OTOGL: variants seen among roughly 807,000 people sequenced by gnomAD.
OTOGL encodes otogelin like.
OTOGL carries 285 observed loss-of-function variants against 318.5 expected under a neutral mutation model. That is an observed-to-expected ratio of 0.89 (90% CI 0.81 to 0.99). OTOGL has a LOEUF of 0.99. Among genes scored for constraint, OTOGL ranks in the 50% least tolerant of loss-of-function variants. OTOGL has a pLI of 0.00. For synonymous variants in OTOGL, 987 were observed against 936.5 expected (o/e 1.05, Z -0.99); for missense variants, 2,899 against 2,845.6 (o/e 1.02, Z -0.43).
At chr12:80,148,389 T>G (rs1157834171) in intron 1 of OTOGL, among the ~76,000 whole-genome samples, 10 of 150,350 alleles carry the variant, frequency 6.7e-5, no homozygotes, top group Non-Finnish European at 1.2e-4. Flanking sequence ...GCCCCCACTC[T>G]CTTCTGGCTT....
chr12:80,129,625 A>G (rs1027808456), intron 1 of OTOGL, among the ~76,000 whole-genome samples: 2 of 151,276 alleles, frequency 1.3e-5, no homozygotes, highest in Admixed American at 1.3e-4. Context: ...TTTTTCTTTT[A>G]CATTTTCTTC....
At chr12:80,319,097 G>A (rs968287543) in intron 33 of OTOGL, among the ~76,000 whole-genome samples, 1 of 152,188 alleles carries the variant, frequency 6.6e-6, no homozygotes, top group African/African-American at 2.4e-5. Context: ...TACCAAAGAA[G>A]TTCTACATGA....
chr12:80,222,370 G>T (rs1366630478), intron 7 of OTOGL, 125 bp downstream of exon 7: 1 of 1,031,996 alleles, frequency 9.7e-7, no homozygotes, highest in South Asian at 2.0e-5. Flanking sequence ...TTTTGAAGAG[G>T]GTCTGGGTTC....
At chr12:80,150,737 A>G (rs960293880) in intron 1 of OTOGL, among the ~76,000 whole-genome samples, 1 of 152,240 alleles carries the variant, frequency 6.6e-6, no homozygotes, top group Non-Finnish European at 1.5e-5. Flanking sequence ...AGGAAGATGT[A>G]TCCACCCATA....
At position 80,377,859 on chromosome 12, in the gene OTOGL, A is replaced by G; in HGVS notation, c.6873A>G (p.Ala2291=). Residue 2291 remains alanine, a synonymous_variant, in exon 59 of 59, where the codon GCA becomes GCG. Coordinates refer to ENST00000547103, the MANE Select transcript of OTOGL (RefSeq NM_001378609.3). ...GTCACTTCTTACAGATAAATGTTGCATCTTGTGACGGCAAATGCCCATCAG... is the reference window on the plus strand; with the variant it reads ...GTCACTTCTTACAGATAAATGTTGCGTCTTGTGACGGCAAATGCCCATCAG... The part of the protein sequence containing the change: ...DCMSQSPINV[A]SCDGKCPSAT... 6.2e-7 allele frequency: 1 copy of G among 1,607,984 alleles called. No homozygotes were observed. Among genetic ancestry groups the G allele is most frequent in the Non-Finnish European group, 8.5e-7 (1 of 1,175,618 alleles).
At chr12:80,174,443 A>G (rs1874399552) in intron 1 of OTOGL, among the ~76,000 whole-genome samples, 2 of 152,164 alleles carry the variant, frequency 1.3e-5, no homozygotes, top group Non-Finnish European at 2.9e-5. Context: ...TGGCCTGATT[A>G]TTTGTATAAA....
intron 1 of OTOGL, among the ~76,000 whole-genome samples, chr12:80,121,978 C>T (rs1870513572): frequency 6.6e-6 from 1 of 152,092 alleles, no homozygotes. Context: ...ATGTTGTAAA[C>T]ACGAGAAAGA....
intron 32 of OTOGL, among the ~76,000 whole-genome samples, chr12:80,314,932 A>G (rs1330150993): frequency 2.6e-5 from 4 of 152,218 alleles, no homozygotes; most frequent in Non-Finnish European, 4.4e-5. Flanking sequence ...AACAACACGG[A>G]TGAACCTAGA....
At chr12:80,129,908 A>G (rs1871132971) in intron 1 of OTOGL, among the ~76,000 whole-genome samples, 1 of 152,132 alleles carries the variant, frequency 6.6e-6, no homozygotes, top group African/African-American at 2.4e-5. Context: ...ACTGATTCTT[A>G]CAACCAGCAG....
chr12:80,299,855 A>G (rs1168834967), intron 27 of OTOGL, among the ~76,000 whole-genome samples: 1 of 152,294 alleles, frequency 6.6e-6, no homozygotes, highest in East Asian at 1.9e-4. Context: ...AATGAGAAGC[A>G]TTATTTAAGA....
In OTOGL at chr12:80,313,459, T is replaced by C; in HGVS notation, c.3451-17T>C. On this transcript the variant is annotated splice_polypyrimidine_tract_variant and intron_variant, in intron 30 of 58. Coordinates refer to ENST00000547103, the MANE Select transcript of OTOGL (RefSeq NM_001378609.3). ...AGTATCTATTGAAATTAAGTAATCTTTCACCTCATTTTTCAGATTGACGTT... is the reference window on the plus strand; with the variant it reads ...AGTATCTATTGAAATTAAGTAATCTCTCACCTCATTTTTCAGATTGACGTT... 6.3e-7 allele frequency: 1 copy of C among 1,589,928 alleles called. No individual in the cohort carries two copies. The highest frequency in any genetic ancestry group is 8.6e-7 in the Non-Finnish European group (1 of 1,159,514).
chr12:80,222,393 T>C (rs1878437628), intron 7 of OTOGL, 148 bp downstream of exon 7: 2 of 852,918 alleles, frequency 2.3e-6, no homozygotes, highest in Non-Finnish European at 1.7e-6. Flanking sequence ...TTACGAACCA[T>C]ATTACTCACA....
chr12:80,108,799 A>ACG (rs1869621124), intron 1 of OTOGL, among the ~76,000 whole-genome samples: 1 of 80,710 alleles, frequency 1.2e-5, no homozygotes, highest in African/African-American at 3.7e-5. Context: ...ATATATATAT[A>ACG]TGTATATATA....
At chr12:80,208,299 T>A (rs1169987728) in intron 1 of OTOGL, 6 of 476,846 alleles carry the variant, frequency 1.3e-5, no homozygotes, top group African/African-American at 4.0e-5. Flanking sequence ...TTGGACCATG[T>A]AACATTAGTT....
intron 18 of OTOGL, among the ~76,000 whole-genome samples, chr12:80,259,304 T>C (rs960418576): frequency 6.6e-6 from 1 of 151,592 alleles, no homozygotes; most frequent in African/African-American, 2.4e-5. Context: ...GGACATTTCA[T>C]GGAGAAGCTA....
At chr12:80,338,773 A>T (rs980642750) in intron 42 of OTOGL, among the ~76,000 whole-genome samples, 9 of 152,066 alleles carry the variant, frequency 5.9e-5, no homozygotes, top group African/African-American at 2.2e-4. Flanking sequence ...GGATTGTGTT[A>T]TCAATATAAA....
At chr12:80,128,348 A>T (rs1239481314) in intron 1 of OTOGL, among the ~76,000 whole-genome samples, 1 of 152,172 alleles carries the variant, frequency 6.6e-6, no homozygotes, top group Non-Finnish European at 1.5e-5. Context: ...GAGGCTGCAG[A>T]ACAGTGGATA....
chr12:80,195,648 G>A (rs1876005400), intron 1 of OTOGL, among the ~76,000 whole-genome samples: 1 of 152,082 alleles, frequency 6.6e-6, no homozygotes, highest in Admixed American at 6.6e-5. Context: ...CAGTCTGTGG[G>A]GCCCACTCAA....
intron 26 of OTOGL, among the ~76,000 whole-genome samples, chr12:80,290,326 G>C (rs946265924): frequency 2.7e-4 from 26 of 97,600 alleles, no homozygotes; most frequent in African/African-American, 9.0e-4. Context: ...GACCAGAACT[G>C]TTCCTATTCG....
Sources: gnomAD v4.1 joint callset for allele counts (sites outside exome capture counted in the v4.1 genomes callset) on GRCh38, gnomAD v4.1.1 for gene constraint, MANE v1.5 for transcripts, NCBI Gene and HGNC (gene_info 2026-07-23, HGNC 2026-07-21) for gene names.